The following TENM3 variants were observed in gnomAD, a reference collection of about 807,000 sequenced individuals.
TENM3 encodes the protein teneurin transmembrane protein 3, also known as teneurin-3.
Under a neutral mutation model 255.1 loss-of-function variants are expected in TENM3, and 63 were observed. The observed-to-expected ratio is 0.25, with a 90% CI of 0.20 to 0.30. TENM3 has a LOEUF of 0.30. Among genes scored for constraint, TENM3 ranks in the 10% least tolerant of loss-of-function variants. The pLI is 1.00. For missense variants in TENM3, 2,929 were observed against 3,461.1 expected (o/e 0.85, Z 3.86); for synonymous variants, 1,306 against 1,322.3 (o/e 0.99, Z 0.27).
intron 3 of TENM3, among the ~76,000 whole-genome samples, chr4:182,469,978 A>G (rs1219955814): frequency 6.6e-6 from 1 of 152,206 alleles, no homozygotes; most frequent in Non-Finnish European, 1.5e-5. Flanking sequence ...ATTACAAAAT[A>G]TCCAGCGGGG....
At chr4:181,761,942 A>T in the TENM3 span, among the ~76,000 whole-genome samples, 268 of 152,314 alleles carry the variant, frequency 1.8e-3, 1 homozygote, top group African/African-American at 6.2e-3. Context: ...GGACATAATG[A>T]TTCTTTATAA....
intron 1 of TENM3, among the ~76,000 whole-genome samples, chr4:182,185,713 G>A (rs992498934): frequency 1.3e-5 from 2 of 152,158 alleles, no homozygotes; most frequent in African/African-American, 2.4e-5. Flanking sequence ...GAAACAAAAC[G>A]ATGCCAGCTG....
chr4:182,550,985 C>A (rs1196755294), intron 3 of TENM3, among the ~76,000 whole-genome samples: 1 of 152,100 alleles, frequency 6.6e-6, no homozygotes, highest in Non-Finnish European at 1.5e-5. Flanking sequence ...CTTTGGGAGG[C>A]CAAGATGGGT....
intron 24 of TENM3, among the ~76,000 whole-genome samples, chr4:182,782,875 A>G: frequency 6.7e-6 from 1 of 150,184 alleles, no homozygotes; most frequent in South Asian, 2.2e-4. Context: ...CTAGGATTGC[A>G]ACCCCGGCCT....
At chr4:182,145,201 G>C (rs960238444) in intron 1 of TENM3, 3 of 152,226 alleles carry the variant, frequency 2.0e-5, no homozygotes, top group African/African-American at 7.2e-5. Context: ...AAAGCCCCGG[G>C]ATGTCACCGC....
chr4:182,623,452 G>A (rs1188753079), intron 4 of TENM3, among the ~76,000 whole-genome samples: 3 of 151,288 alleles, frequency 2.0e-5, no homozygotes, highest in African/African-American at 4.9e-5. Flanking sequence ...ACAGGCCCCC[G>A]CCATCACATC....
intron 7 of TENM3, among the ~76,000 whole-genome samples, chr4:182,678,947 A>G (rs1755871071): frequency 6.6e-6 from 1 of 152,224 alleles, no homozygotes; most frequent in Admixed American, 6.5e-5. Flanking sequence ...GGTTCTCAGC[A>G]AACTAACACA....
intron 3 of TENM3, among the ~76,000 whole-genome samples, chr4:182,544,480 A>T (rs1741232239): frequency 6.6e-6 from 1 of 151,602 alleles, no homozygotes; most frequent in Admixed American, 6.6e-5. Flanking sequence ...ACAGGGGCCC[A>T]CCACCATGCC....
intron 5 of TENM3, among the ~76,000 whole-genome samples, chr4:182,645,349 C>T (rs1245939818): frequency 2.0e-5 from 3 of 151,940 alleles, no homozygotes; most frequent in Non-Finnish European, 4.4e-5. Context: ...CATCCATCCA[C>T]ATGGAATTGG....
the TENM3 span, among the ~76,000 whole-genome samples, chr4:181,735,699 C>T: frequency 4.6e-5 from 7 of 152,068 alleles, no homozygotes; most frequent in Non-Finnish European, 1.0e-4. Context: ...AGCACTAACC[C>T]ATTCCTGTTC....
chr4:182,211,290 G>A (rs72696051), intron 1 of TENM3, among the ~76,000 whole-genome samples: 6,431 of 152,188 alleles, frequency 0.042, 187 homozygotes, highest in East Asian at 0.17. Flanking sequence ...TTATACTTTT[G>A]TCTTTTCTTT....
At chr4:181,860,679 A>C in the TENM3 span, among the ~76,000 whole-genome samples, 1 of 152,164 alleles carries the variant, frequency 6.6e-6, no homozygotes, top group African/African-American at 2.4e-5. Context: ...AATGTGTGTA[A>C]AATTTTCACA....
the TENM3 span, among the ~76,000 whole-genome samples, chr4:182,055,599 C>T: frequency 3.9e-5 from 6 of 152,196 alleles, no homozygotes; most frequent in East Asian, 5.8e-4. Flanking sequence ...CCTAATCCAC[C>T]GCTCTCACTT....
intron 1 of TENM3, among the ~76,000 whole-genome samples, chr4:182,221,534 A>T (rs1755851482): frequency 6.6e-6 from 1 of 152,356 alleles, no homozygotes; most frequent in African/African-American, 2.4e-5. Flanking sequence ...TAACACTTGA[A>T]ACTATATTAG....
At chr4:181,553,554 G>A in the TENM3 span, among the ~76,000 whole-genome samples, 10 of 151,838 alleles carry the variant, frequency 6.6e-5, no homozygotes, top group Middle Eastern at 3.4e-3. Flanking sequence ...TCATTCTCCT[G>A]CCTCAGCCTC....
At chr4:181,715,741 T>C in the TENM3 span, among the ~76,000 whole-genome samples, 1 of 152,236 alleles carries the variant, frequency 6.6e-6, no homozygotes, top group Non-Finnish European at 1.5e-5. Context: ...AACAAAAATG[T>C]ACCCACAAAT....
chr4:181,941,453 C>T, the TENM3 span, among the ~76,000 whole-genome samples: 1 of 152,040 alleles, frequency 6.6e-6, no homozygotes, highest in African/African-American at 2.4e-5. Context: ...CTATTAAGCT[C>T]ATTTGCTTTT....
At chr4:182,022,436 T>C in the TENM3 span, among the ~76,000 whole-genome samples, 2,847 of 151,888 alleles carry the variant, frequency 0.019, 97 homozygotes, top group African/African-American at 0.065. Context: ...TGAGGCACTA[T>C]GTTCACCACT....
At chr4:182,378,540 A>G (rs1767339386) in intron 3 of TENM3, among the ~76,000 whole-genome samples, 2 of 152,304 alleles carry the variant, frequency 1.3e-5, no homozygotes. Context: ...TAGATAACAT[A>G]GCAGGAGAGA....
Sources: allele counts gnomAD v4.1 joint callset (sites outside exome capture counted in the v4.1 genomes callset), GRCh38; gene constraint gnomAD v4.1.1; transcripts MANE v1.5; gene names NCBI Gene and HGNC (gene_info 2026-07-23, HGNC 2026-07-21).